Variants in AP1G1 observed in about 807,000 individuals in gnomAD.
AP1G1 encodes the protein AP-1 complex subunit gamma-1.
Under a neutral mutation model 108.3 loss-of-function variants are expected in AP1G1, and 7 were observed. The ratio of observed to expected loss-of-function variants is 0.06; its 90% confidence interval spans 0.04 to 0.12. The LOEUF (loss-of-function observed/expected upper bound fraction) is 0.12, where lower values mean the gene tolerates loss of function less well. Ranked by LOEUF, AP1G1 falls within the 10% of genes least tolerant of loss-of-function variation. The pLI, the probability that AP1G1 is intolerant of heterozygous loss-of-function variation, is 1.00. For missense variants in AP1G1, 756 were observed against 1,010.7 expected, an observed-to-expected ratio of 0.75 and a Z score of 3.42; for synonymous variants, 379 against 353.5, an observed-to-expected ratio of 1.07 and a Z score of -0.81.
Position 71,764,462 on chromosome 16 carries a change from T to A in AP1G1, c.820-14A>T. ...ATTAGTGGCAACCTGAAAAGACATA[T>A]CGAGGGCAGTACATAAGTGATAAAA... On this transcript the variant is annotated splice_polypyrimidine_tract_variant and intron_variant, in intron 8 of 22. Transcript: ENST00000299980. 1.3e-6 allele frequency: 2 copies of A among 1,530,522 alleles called. No homozygotes were observed. Among genetic ancestry groups the A allele is most frequent in the Non-Finnish European group, 1.8e-6 (2 of 1,108,828 alleles). The allele number at this position is 1,530,522 out of a possible 1,614,324, so 94.8% of individuals were successfully genotyped here.
At position 71,750,311 on chromosome 16, in the gene AP1G1, C is replaced by A; in HGVS notation, c.1306G>T (p.Asp436Tyr). 3 of 1,614,060 alleles carry A rather than the reference C, an allele frequency of 1.9e-6. No homozygotes were observed. The highest frequency in any genetic ancestry group is 1.7e-6 in the Non-Finnish European group (2 of 1,179,992). ...LTTAGSYVRD[D>Y]AVPNLIQLIT... ...AACTGGATTAAATTGGGGACTGCAT[C>A]ATCACGAACATAACTTCCTGCCTAA... Residue 436 changes from aspartate to tyrosine, a missense_variant, in exon 14 of 23, where the codon GAT (aspartate) becomes TAT (tyrosine). By Grantham distance (160) the Asp-to-Tyr change is radical. Transcript: ENST00000299980.
At chr16:71,734,444 G>T in intron 22 of AP1G1, 165 bp downstream of exon 22, 1 of 612,636 alleles carries the variant, frequency 1.6e-6, no homozygotes, top group Non-Finnish European at 2.9e-6. Context: ...ATGTCTCTGG[G>T]TTCCATTTGT....
rs2032522793 is a variant in AP1G1, at chr16:71,794,835, C to CTTTTCTTTTTTTTTTTTTT, written c.-3-5354_-3-5353insAAAAAAAAAAAAAAGAAAA. 1.8e-3 allele frequency among the ~76,000 whole-genome samples: 72 copies of CTTTTCTTTTTTTTTTTTTT among 39,664 alleles called. 5 individuals are homozygous for CTTTTCTTTTTTTTTTTTTT. The highest frequency in any genetic ancestry group is 7.1e-3 in the African/African-American group (68 of 9,554). The allele number at this position is 39,664 out of a possible 152,430, so 26.0% of individuals were successfully genotyped here. ...TACCATTCTCAGGCCATGAGAAGTGCTTTTTTTTTTTTTTTTTTTTTTTTT... is the reference window on the plus strand; with the variant it reads ...TACCATTCTCAGGCCATGAGAAGTGCTTTTCTTTTTTTTTTTTTTTTTTTTTTTTTTTTTTTTTTTTTTT... On this transcript the variant is annotated intron_variant, in intron 1 of 22. Coordinates refer to ENST00000299980, the MANE Select transcript of AP1G1 (RefSeq NM_001128.6).
chr16:71,782,423 C>CAA (rs763575275), intron 2 of AP1G1, among the ~76,000 whole-genome samples: 44 of 152,050 alleles, frequency 2.9e-4, no homozygotes, highest in Non-Finnish European at 6.0e-4. Context: ...CTCAGCCTCA[C>CAA]AAAAGACTGA....
At chr16:71,805,132 T>G (rs1275278903) in intron 1 of AP1G1, among the ~76,000 whole-genome samples, 1 of 151,950 alleles carries the variant, frequency 6.6e-6, no homozygotes, top group Middle Eastern at 3.2e-3. Flanking sequence ...CAACAGAGAA[T>G]AAAGAAAGCC....
rs200008305 is a variant in AP1G1, at chr16:71,746,560, C to A, written c.1730+28G>T. On this transcript the variant is annotated intron_variant, in intron 17 of 22. Coordinates refer to ENST00000299980, the MANE Select transcript of AP1G1 (RefSeq NM_001128.6). Reference sequence around the variant, plus strand: ...AATTTAGTCAGGATGCTAAGAGATACACGCATTGCTTAGTTTCTTTCGCTC... The same window carrying A: ...AATTTAGTCAGGATGCTAAGAGATAAACGCATTGCTTAGTTTCTTTCGCTC... 14 of 1,359,426 alleles carry A rather than the reference C, an allele frequency of 1.0e-5. No individual in the cohort carries two copies. In the African/African-American group the frequency reaches 2.0e-4, roughly 19 times the overall value. 84.2% of individuals were successfully genotyped at this position (1,359,426 alleles called of 1,614,324 possible).
chr16:71,768,917 CAAAAAAAAAAAAA>C (rs58725744), intron 6 of AP1G1, among the ~76,000 whole-genome samples: 2 of 42,164 alleles, frequency 4.7e-5, no homozygotes, highest in African/African-American at 2.3e-4. Context: ...GACTCTGTCT[CAAAAAAAAAAAAA>C]AAAAAAAAAA....
rs376778404 is a variant in AP1G1, at chr16:71,773,212, A to G, written c.468+9T>C. On this transcript the variant is annotated intron_variant, in intron 4 of 22. Coordinates refer to ENST00000299980, the MANE Select transcript of AP1G1 (RefSeq NM_001128.6). ...AATCCAAACAGACATTTGGTTCATT[A>G]AAAGTTACCTTTTTTCTTAAGTAAG... 1 of 1,612,558 alleles carries G rather than the reference A, an allele frequency of 6.2e-7. No individual in the cohort carries two copies. Among genetic ancestry groups the G allele is most frequent in the African/African-American group, 1.3e-5 (1 of 74,848 alleles).
chr16:71,800,106 T>C (rs1372189878), intron 1 of AP1G1, among the ~76,000 whole-genome samples: 2 of 151,548 alleles, frequency 1.3e-5, no homozygotes, highest in Admixed American at 1.3e-4. Context: ...GGCTCACGCC[T>C]GTAATCCCAG....
chr16:71,759,376 G>A (rs886089428), intron 10 of AP1G1, among the ~76,000 whole-genome samples: 1 of 152,292 alleles, frequency 6.6e-6, no homozygotes, highest in East Asian at 1.9e-4. Context: ...CATGAGAATT[G>A]CTGGAACCTG....
At chr16:71,765,681 C>G in intron 6 of AP1G1, 97 bp from the exon 7 acceptor site, 2 of 878,744 alleles carry the variant, frequency 2.3e-6, no homozygotes, top group South Asian at 1.4e-5. Context: ...GTAAGGGTCC[C>G]AGTCCAAGCA....
chr16:71,777,715 G>T (rs148262977), intron 2 of AP1G1: 1 of 447,020 alleles, frequency 2.2e-6, no homozygotes, highest in South Asian at 1.6e-5. Flanking sequence ...CTTCGGGCCC[G>T]TTCTCCTCCT....
At chr16:71,738,030 C>T (rs1205956940) in intron 21 of AP1G1, among the ~76,000 whole-genome samples, 2 of 152,166 alleles carry the variant, frequency 1.3e-5, no homozygotes, top group Non-Finnish European at 2.9e-5. Context: ...TCATTCTCAA[C>T]TTTTCTTTAT....
At chr16:71,767,858 A>C (rs1246373514) in intron 6 of AP1G1, 2 of 1,598,650 alleles carry the variant, frequency 1.3e-6, no homozygotes, top group African/African-American at 2.7e-5. Context: ...GCACCATCTA[A>C]AAGAGGGTTA....
At chr16:71,734,506 T>C in intron 22 of AP1G1, 103 bp downstream of exon 22, 1 of 943,918 alleles carries the variant, frequency 1.1e-6, no homozygotes, top group Non-Finnish European at 1.7e-6. Flanking sequence ...TGATCTCTTC[T>C]CTAACTATGA....
chr16:71,747,940 G>A (rs977404468), intron 16 of AP1G1, among the ~76,000 whole-genome samples: 2 of 152,152 alleles, frequency 1.3e-5, no homozygotes, highest in African/African-American at 4.8e-5. Context: ...ATATGATGGC[G>A]CCACTGCACC....
At chr16:71,768,595 A>G (rs541112657) in intron 6 of AP1G1, among the ~76,000 whole-genome samples, 168 of 151,418 alleles carry the variant, frequency 1.1e-3, no homozygotes, top group African/African-American at 3.8e-3. Flanking sequence ...TAAAAGTAAT[A>G]AAAAAATTTT....
At chr16:71,773,175 A>G (rs1189844867) in intron 4 of AP1G1, 46 bp downstream of exon 4, 4 of 1,602,800 alleles carry the variant, frequency 2.5e-6, no homozygotes, top group East Asian at 2.2e-5. Context: ...TCTCATCTCC[A>G]TAATACTCCC....
chr16:71,791,763 C>CTTTT (rs34099153), intron 1 of AP1G1, among the ~76,000 whole-genome samples: 3 of 113,374 alleles, frequency 2.6e-5, no homozygotes, highest in African/African-American at 6.8e-5. Flanking sequence ...TAAACTCTGA[C>CTTTT]TTTTTTTTTT....
Sources: allele counts gnomAD v4.1 joint callset (sites outside exome capture counted in the v4.1 genomes callset), GRCh38; gene constraint gnomAD v4.1.1; transcripts MANE v1.5; gene names NCBI Gene and HGNC (gene_info 2026-07-23, HGNC 2026-07-21).